The following CCDC178 variants were observed in gnomAD, a reference collection of about 807,000 sequenced individuals.
CCDC178 encodes the protein coiled-coil domain containing 178.
A neutral mutation model predicts 117.4 loss-of-function variants in CCDC178; 126 were observed. The ratio of observed to expected loss-of-function variants is 1.07; its 90% confidence interval spans 0.93 to 1.24. The LOEUF is 1.24. Among genes scored for constraint, CCDC178 ranks in the 50% most tolerant of loss-of-function variants. The pLI is 0.00. For synonymous variants in CCDC178, 283 were observed against 313.4 expected (o/e 0.90, Z 1.02); for missense variants, 1,030 against 986.9 (o/e 1.04, Z -0.59).
chr18:33,087,175 G>A (rs2057392425), intron 21 of CCDC178, among the ~76,000 whole-genome samples: 1 of 152,100 alleles, frequency 6.6e-6, no homozygotes, highest in African/African-American at 2.4e-5. Context: ...CACTCTACCA[G>A]AATAAAATCT....
chr18:33,260,398 TTTGA>T (rs1353462850), intron 14 of CCDC178, among the ~76,000 whole-genome samples: 20 of 151,750 alleles, frequency 1.3e-4, no homozygotes, highest in East Asian at 5.8e-4. Context: ...CAGATTTCTG[TTTGA>T]TTATTTGCTT....
chr18:32,945,668 G>T (rs926055276), intron 22 of CCDC178, among the ~76,000 whole-genome samples: 1 of 151,992 alleles, frequency 6.6e-6, no homozygotes, highest in Non-Finnish European at 1.5e-5. Context: ...AAATTATTTG[G>T]CAGGAAATGA....
At chr18:33,426,376 C>T (rs147607151) in intron 2 of CCDC178, among the ~76,000 whole-genome samples, 24 of 152,268 alleles carry the variant, frequency 1.6e-4, no homozygotes, top group Non-Finnish European at 3.2e-4. Context: ...CAATTTGCAC[C>T]CTCAAGGAAT....
intron 15 of CCDC178, among the ~76,000 whole-genome samples, chr18:33,230,415 G>A (rs989809177): frequency 6.6e-6 from 1 of 152,130 alleles, no homozygotes; most frequent in Non-Finnish European, 1.5e-5. Context: ...ACTAGAGCCT[G>A]GACACATTCT....
intron 3 of CCDC178, among the ~76,000 whole-genome samples, chr18:33,401,379 G>A (rs1285985780): frequency 2.0e-5 from 3 of 152,076 alleles, no homozygotes; most frequent in Non-Finnish European, 4.4e-5. Flanking sequence ...GCAATAAAAC[G>A]AGAGGTGCCT....
At chr18:33,392,701 A>G (rs575739502) in intron 4 of CCDC178, among the ~76,000 whole-genome samples, 1 of 152,320 alleles carries the variant, frequency 6.6e-6, no homozygotes, top group South Asian at 2.1e-4. Flanking sequence ...AGAATTAAAA[A>G]TATAAAATTG....
chr18:33,316,334 G>C (rs2062416379), intron 11 of CCDC178, among the ~76,000 whole-genome samples: 1 of 152,200 alleles, frequency 6.6e-6, no homozygotes, highest in Admixed American at 6.5e-5. Flanking sequence ...CCGGCTGCAA[G>C]CCCAGGGCAG....
At chr18:33,067,096 T>C (rs571244574) in intron 21 of CCDC178, among the ~76,000 whole-genome samples, 21 of 152,326 alleles carry the variant, frequency 1.4e-4, no homozygotes, top group Admixed American at 4.6e-4. Context: ...ATAGATCATA[T>C]GTTACATCAC....
chr18:33,229,578 G>A (rs1160116791), intron 15 of CCDC178, among the ~76,000 whole-genome samples: 2 of 152,112 alleles, frequency 1.3e-5, no homozygotes, highest in Non-Finnish European at 2.9e-5. Flanking sequence ...AATTGACCAA[G>A]CACACAAAGC....
chr18:33,316,471 CCACA>C (rs1470111625), intron 11 of CCDC178, among the ~76,000 whole-genome samples: 1 of 152,070 alleles, frequency 6.6e-6, no homozygotes, highest in African/African-American at 2.4e-5. Context: ...ACCCCTCCCC[CCACA>C]CGCCGTGGGC....
intron 21 of CCDC178, among the ~76,000 whole-genome samples, chr18:32,981,537 T>C (rs1440968773): frequency 6.6e-6 from 1 of 152,212 alleles, no homozygotes; most frequent in Non-Finnish European, 1.5e-5. Flanking sequence ...GTTGTTTCTT[T>C]AAAGAACAAA....
At chr18:33,040,901 G>A (rs143794101) in intron 21 of CCDC178, among the ~76,000 whole-genome samples, 12 of 151,990 alleles carry the variant, frequency 7.9e-5, no homozygotes, top group Non-Finnish European at 5.9e-5. Flanking sequence ...AGTGAGCATC[G>A]AGTATATGCA....
At chr18:33,411,397 A>T (rs2063851515) in intron 3 of CCDC178, among the ~76,000 whole-genome samples, 1 of 152,072 alleles carries the variant, frequency 6.6e-6, no homozygotes, top group Non-Finnish European at 1.5e-5. Flanking sequence ...AAATATAAAA[A>T]CCATTCTTAA....
chr18:33,160,804 A>C (rs2058452934), intron 20 of CCDC178, among the ~76,000 whole-genome samples: 1 of 152,018 alleles, frequency 6.6e-6, no homozygotes, highest in South Asian at 2.1e-4. Flanking sequence ...CTTGAATGAT[A>C]TTTTCCAAGC....
At chr18:33,274,385 C>T (rs916653651) in intron 12 of CCDC178, among the ~76,000 whole-genome samples, 5 of 151,994 alleles carry the variant, frequency 3.3e-5, no homozygotes, top group Middle Eastern at 3.4e-3. Flanking sequence ...ATCACATGAC[C>T]TGGCAATTCC....
intron 22 of CCDC178, among the ~76,000 whole-genome samples, chr18:32,972,994 C>T (rs1213210898): frequency 6.6e-6 from 1 of 152,072 alleles, no homozygotes; most frequent in African/African-American, 2.4e-5. Flanking sequence ...GCTGCTGTGT[C>T]TCTAGGTGCT....
intron 20 of CCDC178, among the ~76,000 whole-genome samples, chr18:33,103,413 G>A (rs563929930): frequency 7.8e-4 from 118 of 151,658 alleles, no homozygotes; most frequent in Middle Eastern, 3.4e-3. Context: ...ACCATATCAC[G>A]TGCTTAATGA....
At chr18:33,130,025 A>G (rs1046955069) in intron 20 of CCDC178, among the ~76,000 whole-genome samples, 1 of 152,010 alleles carries the variant, frequency 6.6e-6, no homozygotes, top group African/African-American at 2.4e-5. Context: ...CACAATTCAC[A>G]GAGAAACAGA....
intron 20 of CCDC178, among the ~76,000 whole-genome samples, chr18:33,163,527 A>G (rs1266883817): frequency 2.0e-5 from 3 of 152,186 alleles, no homozygotes; most frequent in East Asian, 3.8e-4. Context: ...CTTATCAGCT[A>G]TTACTAAAAA....
Sources: allele counts gnomAD v4.1 joint callset (sites outside exome capture counted in the v4.1 genomes callset), GRCh38; gene constraint gnomAD v4.1.1; transcripts MANE v1.5; gene names NCBI Gene and HGNC (gene_info 2026-07-23, HGNC 2026-07-21).